The following UMAD1 variants were observed in gnomAD, a reference collection of about 807,000 sequenced individuals.
The protein encoded by UMAD1 is UBAP1-MVB12-associated (UMA)-domain containing protein 1.
A neutral mutation model predicts 6.1 loss-of-function variants in UMAD1; 8 were observed. The observed-to-expected ratio is 1.30, with a 90% confidence interval of 0.76 to 2.35. The LOEUF is 2.35. UMAD1 is among the 30% of genes most tolerant of loss of function. The pLI, the probability that UMAD1 is intolerant of heterozygous loss-of-function variation, is 0.00. For synonymous variants in UMAD1, 56 were observed against 31.4 expected, an observed-to-expected ratio of 1.78 and a Z score of -2.61; for missense variants, 130 against 78.4, an observed-to-expected ratio of 1.66 and a Z score of -2.49.
intron 2 of UMAD1, among the ~76,000 whole-genome samples, chr7:7,707,976 T>G (rs1282637280): frequency 2.0e-5 from 3 of 152,220 alleles, no homozygotes; most frequent in East Asian, 3.8e-4. Flanking sequence ...CTTTTGATCC[T>G]TTAGTTGTCA....
intron 2 of UMAD1, among the ~76,000 whole-genome samples, chr7:7,778,275 T>TGTGTGTGTGTGTGTGTGA (rs1271237125): frequency 9.0e-6 from 1 of 110,594 alleles, no homozygotes; most frequent in Non-Finnish European, 1.8e-5. Flanking sequence ...TGTGTGTGTG[T>TGTGTGTGTGTGTGTGTGA]GAGAGAGAGA....
chr7:7,645,924 C>CGA (rs1785083253), intron 1 of UMAD1, among the ~76,000 whole-genome samples: 1 of 151,554 alleles, frequency 6.6e-6, no homozygotes, highest in Non-Finnish European at 1.5e-5. Context: ...CAGGAGAATT[C>CGA]CCTGGACCCC....
chr7:7,753,791 A>G (rs1781723552), intron 2 of UMAD1, among the ~76,000 whole-genome samples: 1 of 152,190 alleles, frequency 6.6e-6, no homozygotes, highest in Non-Finnish European at 1.5e-5. Context: ...GTATATACCC[A>G]GCGGTCAGAT....
intron 3 of UMAD1, among the ~76,000 whole-genome samples, chr7:7,824,597 A>G (rs1783305975): frequency 6.6e-6 from 1 of 152,158 alleles, no homozygotes; most frequent in Non-Finnish European, 1.5e-5. Context: ...CACTTGTGGT[A>G]CCACATGCTT....
intron 2 of UMAD1, among the ~76,000 whole-genome samples, chr7:7,702,205 A>T (rs1037780505): frequency 6.6e-6 from 1 of 152,222 alleles, no homozygotes; most frequent in African/African-American, 2.4e-5. Flanking sequence ...TGATAATATC[A>T]GAACAGTAAA....
chr7:7,826,357 T>C (rs541946929), intron 3 of UMAD1, among the ~76,000 whole-genome samples: 1 of 152,152 alleles, frequency 6.6e-6, no homozygotes, highest in Non-Finnish European at 1.5e-5. Flanking sequence ...ATCATCATTA[T>C]TTCGATTCTC....
chr7:7,676,734 T>C (rs956363753), intron 2 of UMAD1, among the ~76,000 whole-genome samples: 2 of 152,174 alleles, frequency 1.3e-5, no homozygotes, highest in Non-Finnish European at 2.9e-5. Flanking sequence ...AGAAAACTCC[T>C]TGATGAAGTT....
intron 2 of UMAD1, among the ~76,000 whole-genome samples, chr7:7,701,847 G>A (rs1780472084): frequency 6.6e-6 from 1 of 152,108 alleles, no homozygotes; most frequent in African/African-American, 2.4e-5. Context: ...ATGCCTGGGT[G>A]TATTTGCTTT....
chr7:7,789,624 T>C (rs56120863), intron 2 of UMAD1, among the ~76,000 whole-genome samples: 68,796 of 146,028 alleles, frequency 0.47, 16,489 homozygotes, highest in African/African-American at 0.54. Flanking sequence ...CCTTCTCCCC[T>C]CCCCACAGAC....
intron 2 of UMAD1, among the ~76,000 whole-genome samples, chr7:7,744,259 T>G (rs550820222): frequency 3.9e-4 from 60 of 152,342 alleles, no homozygotes; most frequent in Non-Finnish European, 7.8e-4. Context: ...ACTTCATTCA[T>G]TTTTATTGTT....
intron 3 of UMAD1, among the ~76,000 whole-genome samples, chr7:7,806,849 C>T (rs962424102): frequency 7.2e-5 from 11 of 152,100 alleles, no homozygotes; most frequent in East Asian, 3.8e-4. Flanking sequence ...TTCTCTATAA[C>T]GAGAACATAA....
chr7:7,760,194 A>T (rs531038346), intron 2 of UMAD1, among the ~76,000 whole-genome samples: 6 of 152,046 alleles, frequency 3.9e-5, no homozygotes, highest in Non-Finnish European at 8.8e-5. Flanking sequence ...GCTGAACCCA[A>T]CTTTCTAGCC....
intron 2 of UMAD1, among the ~76,000 whole-genome samples, chr7:7,711,177 T>G (rs1563144593): frequency 6.6e-6 from 1 of 152,184 alleles, no homozygotes; most frequent in Admixed American, 6.5e-5. Flanking sequence ...TTGCAAGATG[T>G]TGCCATTGTG....
At chr7:7,718,381 A>G (rs1780970658) in intron 2 of UMAD1, 1 of 152,248 alleles carries the variant, frequency 6.6e-6, no homozygotes, top group African/African-American at 2.4e-5. Context: ...TCCCAGCACT[A>G]GCATGGAACA....
rs1272189712 is a variant in UMAD1, at chr7:7,700,549, A to AC, written c.82+27101dup. Among the ~76,000 whole-genome samples, 7 of 152,088 alleles carry AC rather than the reference A, an allele frequency of 4.6e-5. No individual in the cohort carries two copies. The East Asian group carries it at 9.7e-4, about 21-fold the overall frequency. ...AGACCATACTGGGTAACATAGTGAGACCCCCATCTCTACAAAATAAAAACA... is the reference window on the plus strand; with the variant it reads ...AGACCATACTGGGTAACATAGTGAGACCCCCCATCTCTACAAAATAAAAACA... On this transcript the variant is annotated intron_variant, in intron 2 of 3. Transcript: ENST00000682710.
intron 3 of UMAD1, 74 bp from the exon 4 acceptor site, chr7:7,877,207 A>T: frequency 1.5e-6 from 1 of 664,558 alleles, no homozygotes; most frequent in South Asian, 1.7e-5. Context: ...ATTTTGATGT[A>T]TTAATGCCAC....
At chr7:7,680,291 A>G (rs1779877463) in intron 2 of UMAD1, among the ~76,000 whole-genome samples, 2 of 152,122 alleles carry the variant, frequency 1.3e-5, no homozygotes, top group Admixed American at 6.5e-5. Context: ...CCACTGATTC[A>G]AGACTTCCTT....
chr7:7,814,237 G>A (rs1375568571), intron 3 of UMAD1, among the ~76,000 whole-genome samples: 1 of 152,146 alleles, frequency 6.6e-6, no homozygotes, highest in Non-Finnish European at 1.5e-5. Context: ...GCCTGCCTCA[G>A]CCTCCTGAAG....
chr7:7,753,207 A>T (rs1256691591), intron 2 of UMAD1, among the ~76,000 whole-genome samples: 3 of 152,214 alleles, frequency 2.0e-5, no homozygotes, highest in African/African-American at 7.2e-5. Flanking sequence ...ACAGGCATAC[A>T]TTGTGTAATA....
Sources: gnomAD v4.1 joint callset for allele counts (sites outside exome capture counted in the v4.1 genomes callset) on GRCh38, gnomAD v4.1.1 for gene constraint, MANE v1.5 for transcripts, NCBI Gene and HGNC (gene_info 2026-07-23, HGNC 2026-07-21) for gene names.